The following RBFOX1 variants were observed in gnomAD, a reference collection of about 807,000 sequenced individuals.
The protein encoded by RBFOX1 is RNA binding protein fox-1 homolog 1.
In RBFOX1, 8 loss-of-function variants were observed where a neutral mutation model predicts 57.7. The ratio of observed to expected loss-of-function variants is 0.14; its 90% CI spans 0.08 to 0.25. RBFOX1 has a LOEUF of 0.25. Among genes scored for constraint, RBFOX1 ranks in the 10% least tolerant of loss-of-function variants. The probability of loss-of-function intolerance (pLI) is 1.00; values close to 1 mark genes in which losing one functional copy is unlikely to be tolerated. For synonymous variants in RBFOX1, 326 were observed against 222.4 expected (o/e 1.47, Z -4.15); for missense variants, 611 against 548.5 (o/e 1.11, Z -1.14).
At chr16:7,693,210 C>G (rs1247416431) in intron 14 of RBFOX1, 15 of 880,816 alleles carry the variant, frequency 1.7e-5, no homozygotes, top group Non-Finnish European at 2.8e-5. Context: ...CATCCATTCA[C>G]ACGCAGCACC....
intron 3 of RBFOX1, among the ~76,000 whole-genome samples, chr16:5,605,459 A>C (rs1350714624): frequency 3.3e-5 from 5 of 152,208 alleles, no homozygotes; most frequent in African/African-American, 1.2e-4. Flanking sequence ...GAGTGGTGCC[A>C]TTGATGAGTA....
At chr16:7,240,572 T>C (rs1314041976) in intron 4 of RBFOX1, among the ~76,000 whole-genome samples, 1 of 152,166 alleles carries the variant, frequency 6.6e-6, no homozygotes, top group African/African-American at 2.4e-5. Flanking sequence ...TTGTTTGTTT[T>C]GAGACAGGGT....
chr16:7,313,169 G>T (rs1469410096), intron 4 of RBFOX1, among the ~76,000 whole-genome samples: 1 of 152,178 alleles, frequency 6.6e-6, no homozygotes, highest in East Asian at 1.9e-4. Flanking sequence ...AAGTGGCTTT[G>T]CTTTGGATCT....
At chr16:6,507,676 G>C (rs2096139765) in intron 2 of RBFOX1, among the ~76,000 whole-genome samples, 3 of 152,168 alleles carry the variant, frequency 2.0e-5, no homozygotes, top group Admixed American at 2.0e-4. Context: ...GTCCAACATG[G>C]ATGAACCTTA....
intron 10 of RBFOX1, among the ~76,000 whole-genome samples, chr16:7,617,388 T>A (rs1429335326): frequency 2.0e-5 from 3 of 152,110 alleles, no homozygotes; most frequent in Non-Finnish European, 4.4e-5. Context: ...TTTTCAAACA[T>A]CCAAAAACGT....
intron 1 of RBFOX1, among the ~76,000 whole-genome samples, chr16:6,108,625 A>C (rs1382921705): frequency 6.6e-6 from 1 of 152,178 alleles, no homozygotes; most frequent in East Asian, 1.9e-4. Flanking sequence ...GTGGCTTAGC[A>C]CGACATTTAT....
At chr16:5,291,135 G>T (rs1187186534) in intron 1 of RBFOX1, among the ~76,000 whole-genome samples, 1 of 152,196 alleles carries the variant, frequency 6.6e-6, no homozygotes, top group East Asian at 1.9e-4. Context: ...CTTCACACGA[G>T]TGGTCCCACC....
At chr16:6,662,940 G>T (rs1354018880) in intron 3 of RBFOX1, among the ~76,000 whole-genome samples, 1 of 152,204 alleles carries the variant, frequency 6.6e-6, no homozygotes, top group Non-Finnish European at 1.5e-5. Flanking sequence ...GCACATGGAT[G>T]TGTAAAAATT....
At chr16:7,061,019 C>A (rs1403384492) in intron 4 of RBFOX1, among the ~76,000 whole-genome samples, 1 of 96,308 alleles carries the variant, frequency 1.0e-5, no homozygotes, top group African/African-American at 3.6e-5. Context: ...CATGTATGTT[C>A]TCCTGTGTGT....
intron 3 of RBFOX1, among the ~76,000 whole-genome samples, chr16:6,946,747 C>G (rs373796737): frequency 1.3e-5 from 2 of 152,030 alleles, no homozygotes; most frequent in African/African-American, 4.8e-5. Flanking sequence ...GGACTACAGA[C>G]TCACTCCACT....
At chr16:7,042,556 T>A (rs1470613633) in intron 3 of RBFOX1, among the ~76,000 whole-genome samples, 1 of 152,244 alleles carries the variant, frequency 6.6e-6, no homozygotes, top group Non-Finnish European at 1.5e-5. Context: ...AACTAGGAAC[T>A]GTTTAGCACA....
intron 2 of RBFOX1, among the ~76,000 whole-genome samples, chr16:6,324,416 G>T (rs2082145489): frequency 6.6e-6 from 1 of 152,172 alleles, no homozygotes; most frequent in South Asian, 2.1e-4. Context: ...TGTACAGGAA[G>T]TATGATGCTG....
intron 1 of RBFOX1, among the ~76,000 whole-genome samples, chr16:5,453,236 G>T (rs1180401637): frequency 6.6e-6 from 1 of 152,090 alleles, no homozygotes; most frequent in African/African-American, 2.4e-5. Flanking sequence ...CATGGTCCTT[G>T]ACCTCCTCAA....
intron 1 of RBFOX1, among the ~76,000 whole-genome samples, chr16:6,026,585 A>C (rs1299397264): frequency 6.6e-6 from 1 of 152,248 alleles, no homozygotes; most frequent in Non-Finnish European, 1.5e-5. Context: ...CTCTTGCTGC[A>C]TAGCTTGAGT....
chr16:6,521,451 GTCCCC>G (rs1223370084), intron 2 of RBFOX1, among the ~76,000 whole-genome samples: 1 of 55,514 alleles, frequency 1.8e-5, no homozygotes, highest in Non-Finnish European at 3.3e-5. Flanking sequence ...CTCCCCTCCC[GTCCCC>G]TCTCCTCTCC....
intron 1 of RBFOX1, among the ~76,000 whole-genome samples, chr16:6,184,580 G>C (rs1458601130): frequency 1.3e-5 from 2 of 152,128 alleles, no homozygotes; most frequent in African/African-American, 2.4e-5. Flanking sequence ...TATTATTTTA[G>C]ACAGAGTCTC....
chr16:5,356,167 G>C (rs948921031), intron 1 of RBFOX1, among the ~76,000 whole-genome samples: 2 of 152,146 alleles, frequency 1.3e-5, no homozygotes, highest in Non-Finnish European at 2.9e-5. Context: ...GCAGAGACTG[G>C]AGTGACGCAT....
chr16:5,590,214 G>A (rs183678736), intron 2 of RBFOX1, among the ~76,000 whole-genome samples: 21 of 152,240 alleles, frequency 1.4e-4, no homozygotes, highest in African/African-American at 4.6e-4. Flanking sequence ...GGCATAGTCA[G>A]TCAAATAAAT....
downstream of RBFOX1, among the ~76,000 whole-genome samples, chr16:5,604,271 G>A (rs935374220): frequency 2.7e-4 from 41 of 152,128 alleles, no homozygotes; most frequent in Admixed American, 2.5e-3. Context: ...TTATTGCTTC[G>A]ATTGGTCATA....
Sources: allele counts gnomAD v4.1 joint callset (sites outside exome capture counted in the v4.1 genomes callset), GRCh38; gene constraint gnomAD v4.1.1; transcripts MANE v1.5; gene names NCBI Gene and HGNC (gene_info 2026-07-23, HGNC 2026-07-21).